KSR2: variants seen among roughly 807,000 people sequenced by gnomAD.
The protein encoded by KSR2 is kinase suppressor of ras 2.
Under a neutral mutation model 107.8 loss-of-function variants are expected in KSR2, and 25 were observed. The ratio of observed to expected loss-of-function variants is 0.23; its 90% confidence interval spans 0.17 to 0.32. The LOEUF (loss-of-function observed/expected upper bound fraction) is 0.32, where lower values mean the gene tolerates loss of function less well. Among genes scored for constraint, KSR2 ranks in the 10% least tolerant of loss-of-function variants. The probability of loss-of-function intolerance (pLI) is 1.00; values close to 1 mark genes in which losing one functional copy is unlikely to be tolerated. For synonymous variants in KSR2, 480 were observed against 507.0 expected, an observed-to-expected ratio of 0.95 and a Z score of 0.71; for missense variants, 887 against 1,268.9, an observed-to-expected ratio of 0.70 and a Z score of 4.57.
At position 117,524,733 on chromosome 12, in the gene KSR2, A is replaced by T. The variant is rs1193306945; in HGVS notation, c.2219+119T>A. 11 of 1,204,384 alleles carry T rather than the reference A, an allele frequency of 9.1e-6. No homozygotes were observed. The Middle Eastern group carries it at 8.7e-4, about 95-fold the overall frequency. 74.6% of individuals were successfully genotyped at this position (1,204,384 alleles called of 1,614,324 possible). A position where few individuals can be genotyped will look rare whatever the true frequency, so the allele number is the denominator to read the frequency against. On this transcript the variant is annotated intron_variant, in intron 14 of 19. Coordinates refer to ENST00000339824, the MANE Select transcript of KSR2 (RefSeq NM_173598.6). ...CTTAAACCATGTAAGTAAACTGTGCATGGTAGAACTAGAGATGGTCTATTA... is the reference window on the plus strand; with the variant it reads ...CTTAAACCATGTAAGTAAACTGTGCTTGGTAGAACTAGAGATGGTCTATTA...
At chr12:117,692,348 A>G (rs1885850773) in intron 4 of KSR2, among the ~76,000 whole-genome samples, 1 of 151,344 alleles carries the variant, frequency 6.6e-6, no homozygotes, top group African/African-American at 2.4e-5. Flanking sequence ...GCTCTCACAT[A>G]TCACAGGTGA....
intron 1 of KSR2, among the ~76,000 whole-genome samples, chr12:117,862,076 TTA>T (rs1491442190): frequency 6.6e-6 from 1 of 151,562 alleles, no homozygotes; most frequent in Non-Finnish European, 1.5e-5. Flanking sequence ...TTTTTTTTTT[TTA>T]AGAGACAAGG....
chr12:117,591,569 A>G (rs1162442415), intron 5 of KSR2, among the ~76,000 whole-genome samples: 1 of 152,080 alleles, frequency 6.6e-6, no homozygotes, highest in African/African-American at 2.4e-5. Flanking sequence ...AGGGCACTGC[A>G]CCAATGGCAG....
chr12:117,811,862 G>A (rs993649555), intron 3 of KSR2, among the ~76,000 whole-genome samples: 6 of 152,208 alleles, frequency 3.9e-5, no homozygotes, highest in Non-Finnish European at 7.3e-5. Context: ...ATGTTTTGGA[G>A]GTTCTGCAGG....
chr12:117,497,519 C>T (rs1873103535), intron 14 of KSR2, among the ~76,000 whole-genome samples: 1 of 152,118 alleles, frequency 6.6e-6, no homozygotes, highest in African/African-American at 2.4e-5. Flanking sequence ...AGGATGACGA[C>T]CATCTTTAGA....
At chr12:117,522,538 G>A (rs185603626) in intron 14 of KSR2, among the ~76,000 whole-genome samples, 82 of 152,314 alleles carry the variant, frequency 5.4e-4, no homozygotes, top group African/African-American at 1.9e-3. Context: ...GGGCCTCTCT[G>A]TAGTAAATCG....
At chr12:117,513,044 C>T (rs1462743464) in intron 14 of KSR2, among the ~76,000 whole-genome samples, 2 of 152,146 alleles carry the variant, frequency 1.3e-5, no homozygotes, top group Non-Finnish European at 2.9e-5. Flanking sequence ...CAGTGAGCAC[C>T]TACTTTGTGC....
Position 117,777,107 on chromosome 12 carries a change from TAC to T in KSR2, c.473-15585_473-15584del, listed in dbSNP as rs35481254. On this transcript the variant is annotated intron_variant, in intron 3 of 19. Coordinates refer to ENST00000339824, the MANE Select transcript of KSR2 (RefSeq NM_173598.6). ...TATATTTTATATATATATATATATA[TAC>T]ACACACACACCATATATATATACAC... Among the ~76,000 whole-genome samples, 221 of 66,150 alleles carry T rather than the reference TAC, an allele frequency of 3.3e-3. 1 individual carries two copies. Among genetic ancestry groups the T allele is most frequent in the African/African-American group, 0.012 (202 of 16,634 alleles). 43.4% of individuals were successfully genotyped at this position (66,150 alleles called of 152,430 possible). A position where few individuals can be genotyped will look rare whatever the true frequency, so the allele number is the denominator to read the frequency against.
intron 5 of KSR2, among the ~76,000 whole-genome samples, chr12:117,598,425 C>T (rs1197500873): frequency 6.6e-6 from 1 of 152,020 alleles, no homozygotes. Flanking sequence ...TTTGCAATTG[C>T]GAATTGTGCT....
At chr12:117,609,203 G>A (rs1236887540) in intron 5 of KSR2, among the ~76,000 whole-genome samples, 1 of 152,180 alleles carries the variant, frequency 6.6e-6, no homozygotes, top group East Asian at 1.9e-4. Context: ...GTTGCTGAGA[G>A]ATATTGAGCA....
chr12:117,571,278 T>G (rs1338174622), intron 7 of KSR2, among the ~76,000 whole-genome samples: 2 of 151,858 alleles, frequency 1.3e-5, no homozygotes, highest in Non-Finnish European at 2.9e-5. Context: ...AAAAGAAACC[T>G]ATTCCATTGT....
At chr12:117,717,192 T>A (rs979371315) in intron 4 of KSR2, among the ~76,000 whole-genome samples, 2 of 152,222 alleles carry the variant, frequency 1.3e-5, no homozygotes, top group Non-Finnish European at 2.9e-5. Context: ...CATACTCCTC[T>A]TGTCTTATAA....
intron 8 of KSR2, among the ~76,000 whole-genome samples, chr12:117,556,826 C>A (rs1446362530): frequency 2.0e-5 from 3 of 152,132 alleles, no homozygotes; most frequent in Non-Finnish European, 4.4e-5. Context: ...TGCAGGGAGG[C>A]AGCCAGCATG....
At chr12:117,818,931 C>CA (rs1891468813) in intron 3 of KSR2, among the ~76,000 whole-genome samples, 1 of 152,150 alleles carries the variant, frequency 6.6e-6, no homozygotes, top group South Asian at 2.1e-4. Context: ...TGAAGCATGA[C>CA]ATGGAGGCCT....
intron 7 of KSR2, among the ~76,000 whole-genome samples, chr12:117,571,758 G>A (rs1297933669): frequency 3.9e-5 from 6 of 152,114 alleles, no homozygotes; most frequent in Admixed American, 6.5e-5. Context: ...CAGACCCTTC[G>A]AATCTAAGGC....
intron 4 of KSR2, among the ~76,000 whole-genome samples, chr12:117,744,818 C>T (rs968115294): frequency 8.5e-5 from 13 of 152,160 alleles, no homozygotes; most frequent in African/African-American, 3.1e-4. Context: ...CTATCAGATC[C>T]TTTCTCCTAT....
chr12:117,744,828 T>A (rs1888347226), intron 4 of KSR2, among the ~76,000 whole-genome samples: 1 of 152,146 alleles, frequency 6.6e-6, no homozygotes. Context: ...CTTTCTCCTA[T>A]CCTCCACAGT....
At chr12:117,595,796 T>C (rs1880609829) in intron 5 of KSR2, among the ~76,000 whole-genome samples, 1 of 152,238 alleles carries the variant, frequency 6.6e-6, no homozygotes, top group Admixed American at 6.5e-5. Context: ...GTCCCTCTTA[T>C]CAGTTACTTT....
intron 4 of KSR2, among the ~76,000 whole-genome samples, chr12:117,697,645 C>T (rs1410467807): frequency 6.7e-6 from 1 of 150,070 alleles, no homozygotes; most frequent in Non-Finnish European, 1.5e-5. Flanking sequence ...AAGGCTGAGG[C>T]AGGTGAATCG....
Sources: gnomAD v4.1 joint callset for allele counts (sites outside exome capture counted in the v4.1 genomes callset) on GRCh38, gnomAD v4.1.1 for gene constraint, MANE v1.5 for transcripts, NCBI Gene and HGNC (gene_info 2026-07-23, HGNC 2026-07-21) for gene names.